NINL: variants seen among roughly 807,000 people sequenced by gnomAD.
NINL encodes ninein like.
Under a neutral mutation model 160.3 loss-of-function variants are expected in NINL, and 153 were observed. That is an observed-to-expected ratio of 0.95 (90% CI 0.84 to 1.09). The LOEUF is 1.09. Among genes scored for constraint, NINL ranks in the 50% least tolerant of loss-of-function variants. The pLI is 0.00. For synonymous variants in NINL, 800 were observed against 734.8 expected (o/e 1.09, Z -1.43); for missense variants, 1,829 against 1,764.0 (o/e 1.04, Z -0.66).
Position 25,453,470 on chromosome 20 carries a change from G to A in NINL, c.4130C>T (p.Pro1377Leu), listed in dbSNP as rs1353852268. ...CTGTCTTTACACAGAGAGGGCTGCG[G>A]GGGCAATCCTACTGACGAGTTTGTT... ...ALNKLVSRIA[P>L]AALSV Residue 1377 changes from proline (P) to leucine (L), a missense_variant, in exon 24 of 24, where the codon CCC (proline) becomes CTC (leucine). Pro to Leu is a moderately conservative substitution (Grantham distance 98, BLOSUM62 -3). Coordinates refer to ENST00000278886, the MANE Select transcript of NINL (RefSeq NM_025176.6). 3.1e-6 allele frequency: 5 copies of A among 1,611,142 alleles called. No homozygotes were observed. Among genetic ancestry groups the A allele is most frequent in the Admixed American group, 1.7e-5 (1 of 59,294 alleles).
chr20:25,469,789 G>A (rs2063047739), intron 18 of NINL, among the ~76,000 whole-genome samples: 4 of 152,206 alleles, frequency 2.6e-5, no homozygotes, highest in Admixed American at 2.6e-4. Context: ...GCGTTCAGGT[G>A]CCGCCCACAC....
chr20:25,504,597 G>A (rs1197791494), intron 6 of NINL, among the ~76,000 whole-genome samples: 1 of 152,234 alleles, frequency 6.6e-6, no homozygotes, highest in East Asian at 1.9e-4. Context: ...ACAGAGAAGG[G>A]GGAAAGGCAT....
chr20:25,486,970 A>G (rs1253261273), intron 13 of NINL, among the ~76,000 whole-genome samples: 2 of 152,240 alleles, frequency 1.3e-5, no homozygotes, highest in African/African-American at 4.8e-5. Flanking sequence ...CTTCACATCG[A>G]TTGCTCACTT....
intron 1 of NINL, among the ~76,000 whole-genome samples, chr20:25,563,766 T>C (rs2064970701): frequency 6.6e-6 from 1 of 151,996 alleles, no homozygotes; most frequent in Admixed American, 6.6e-5. Context: ...GTAAAGAAAA[T>C]TACCAGAAAT....
rs773209100 is a variant in NINL, at chr20:25,510,756, G to C, written c.451-16C>G. 4 of 1,606,106 alleles carry C rather than the reference G, an allele frequency of 2.5e-6. No homozygotes were observed. Among genetic ancestry groups the C allele is most frequent in the Non-Finnish European group, 3.4e-6 (4 of 1,174,034 alleles). ...ACTTGGGACTCTGTAGAAAGATGCA[G>C]AGAGAAGGCTGTGAGTTCCAGGGGG... On this transcript the variant is annotated splice_polypyrimidine_tract_variant and intron_variant, in intron 4 of 23. Coordinates refer to ENST00000278886, the MANE Select transcript of NINL (RefSeq NM_025176.6).
At chr20:25,558,580 G>A (rs932455567) in intron 1 of NINL, among the ~76,000 whole-genome samples, 48 of 152,340 alleles carry the variant, frequency 3.2e-4, no homozygotes, top group African/African-American at 1.1e-3. Flanking sequence ...AGCTGACTAA[G>A]GTAATTTGCA....
intron 2 of NINL, among the ~76,000 whole-genome samples, chr20:25,520,634 T>A (rs1389197439): frequency 3.3e-5 from 5 of 152,228 alleles, no homozygotes; most frequent in Admixed American, 1.3e-4. Context: ...TTCTTTCACC[T>A]TTATTCTTAA....
chr20:25,483,788 C>T (rs113095585), intron 13 of NINL, among the ~76,000 whole-genome samples: 2 of 152,370 alleles, frequency 1.3e-5, no homozygotes, highest in African/African-American at 4.8e-5. Flanking sequence ...GAGTTTCTAG[C>T]CCACTTTCTT....
rs548541606 is a variant in NINL, at chr20:25,476,331, C to T, written c.2960G>A (p.Ser987Asn). The change falls in exon 17 of 24, where the codon AGC becomes AAC. Residue 987 changes from serine to asparagine, a missense_variant. Transcript: ENST00000278886. ...CGAGGCCTGCTCCTGGGTGCCCCTG[C>T]TCCAGCTTCGTGCTCGCTCTTCCTG... ...AIQEERARSW[S>N]RGTQEQASEQ... is the part of the protein sequence containing the mutation. 22 of 1,612,824 alleles carry T rather than the reference C, an allele frequency of 1.4e-5. No homozygotes were observed. The South Asian group carries it at 2.4e-4, about 18-fold the overall frequency.
At chr20:25,572,528 T>C (rs1159101293) in intron 1 of NINL, among the ~76,000 whole-genome samples, 6 of 152,200 alleles carry the variant, frequency 3.9e-5, no homozygotes, top group African/African-American at 1.2e-4. Flanking sequence ...GGCACTATTA[T>C]TACCCATTTT....
At position 25,476,027 on chromosome 20, in the gene NINL, T is replaced by C; in HGVS notation, c.3248+16A>G. On this transcript the variant is annotated intron_variant, in intron 17 of 23. Transcript: ENST00000278886. ...AGTTTGAAGTGTTTAGTTTTAAGAA[T>C]GAGTAGAAGGCAAACCTGTCGTTCT... 1.2e-6 allele frequency: 2 copies of C among 1,605,908 alleles called. No individual in the cohort carries two copies. The highest frequency in any genetic ancestry group is 2.7e-5 in the African/African-American group (2 of 74,556).
chr20:25,482,391 T>C (rs1261921320), intron 13 of NINL, among the ~76,000 whole-genome samples: 3 of 152,222 alleles, frequency 2.0e-5, no homozygotes, highest in Non-Finnish European at 4.4e-5. Context: ...CAGGCTGGAG[T>C]GCACTGGTGC....
chr20:25,457,961 C>T (rs1454192949), intron 22 of NINL, among the ~76,000 whole-genome samples: 1 of 152,214 alleles, frequency 6.6e-6, no homozygotes, highest in African/African-American at 2.4e-5. Flanking sequence ...GGGATCCCAC[C>T]CTCCACAGTC....
chr20:25,486,193 G>T (rs1655857118), intron 13 of NINL, among the ~76,000 whole-genome samples: 1 of 152,076 alleles, frequency 6.6e-6, no homozygotes, highest in Non-Finnish European at 1.5e-5. Context: ...GTTTGAAATT[G>T]TTTTCATATA....
intron 1 of NINL, among the ~76,000 whole-genome samples, chr20:25,568,412 A>C (rs1221929068): frequency 6.6e-6 from 1 of 151,612 alleles, no homozygotes; most frequent in Non-Finnish European, 1.5e-5. Flanking sequence ...TTTCTTTCTT[A>C]CTTTTTTTTT....
At chr20:25,513,067 C>A (rs1054407861) in intron 3 of NINL, 61 bp from the exon 4 acceptor site, 12 of 1,517,166 alleles carry the variant, frequency 7.9e-6, no homozygotes, top group Admixed American at 2.0e-5. Flanking sequence ...CCCATGCAGG[C>A]CAGCAGGTAC....
chr20:25,453,537 C>A lies in NINL; in HGVS notation c.4063G>T (p.Glu1355Ter). Residue 1355 changes from glutamate to a stop codon, truncating the protein, a stop_gained, in exon 24 of 24, where the codon GAG (glutamate) becomes TAG (stop). Coordinates refer to ENST00000278886, the MANE Select transcript of NINL (RefSeq NM_025176.6). LOFTEE classifies it low-confidence loss of function (END_TRUNC). The part of the protein sequence containing the change: ...QATEEKQRGA[E>*]KQSRLLEEKV... ...TCTTCCAAGAGGCGGCTTTGTTTCT[C>A]GGCGCCTCGCTGCTTCTCCTCGGTG... The A allele has an allele frequency of 3.7e-6, 6 of 1,614,146 alleles. No homozygotes were observed. Among genetic ancestry groups the A allele is most frequent in the Non-Finnish European group, 4.2e-6 (5 of 1,180,014 alleles).
At position 25,504,794 on chromosome 20, in the gene NINL, T is replaced by C. The variant is rs999335876; in HGVS notation, c.708+94A>G. 9.3e-6 allele frequency: 12 copies of C among 1,285,478 alleles called. No individual in the cohort carries two copies. The African/African-American group carries it at 1.3e-4, about 14-fold the overall frequency. 79.6% of individuals were successfully genotyped at this position (1,285,478 alleles called of 1,614,324 possible). ...TAGATTAGAAAGTGATGCACCTACA[T>C]GAGTGGCTGAAGGGTAGAGGGGTTT... On this transcript the variant is annotated intron_variant, in intron 6 of 23. Transcript: ENST00000278886.
At chr20:25,527,615 A>T (rs1213861025) in intron 1 of NINL, among the ~76,000 whole-genome samples, 1 of 152,070 alleles carries the variant, frequency 6.6e-6, no homozygotes, top group Non-Finnish European at 1.5e-5. Flanking sequence ...TACACAGAGG[A>T]TGTTAATAAA....
Sources: allele counts gnomAD v4.1 joint callset (sites outside exome capture counted in the v4.1 genomes callset), GRCh38; gene constraint gnomAD v4.1.1; transcripts MANE v1.5; gene names NCBI Gene and HGNC (gene_info 2026-07-23, HGNC 2026-07-21).